SGCD: variants seen among roughly 807,000 people sequenced by gnomAD.
The protein encoded by SGCD is sarcoglycan delta, also known as delta-sarcoglycan.
SGCD carries 18 observed loss-of-function variants against 36.6 expected under a neutral mutation model. The ratio of observed to expected loss-of-function variants is 0.49; its 90% CI spans 0.34 to 0.73. The LOEUF (loss-of-function observed/expected upper bound fraction) is 0.73. Among genes scored for constraint, SGCD ranks in the 30% least tolerant of loss-of-function variants. The pLI is 0.01. For synonymous variants in SGCD, 133 were observed against 130.6 expected (o/e 1.02, Z -0.12); for missense variants, 387 against 346.7 (o/e 1.12, Z -0.92).
chr5:155,805,297 A>AT, the SGCD span, among the ~76,000 whole-genome samples: 129 of 152,286 alleles, frequency 8.5e-4, no homozygotes, highest in African/African-American at 3.0e-3. Context: ...TCTCAAGCAA[A>AT]TGTGATAGGT....
chr5:156,117,144 C>T (rs1244007857), intron 1 of SGCD, among the ~76,000 whole-genome samples: 1 of 152,090 alleles, frequency 6.6e-6, no homozygotes, highest in East Asian at 1.9e-4. Context: ...CTCTGTAGTA[C>T]ATACTTGCTC....
chr5:155,768,776 C>T, the SGCD span, among the ~76,000 whole-genome samples: 1 of 152,128 alleles, frequency 6.6e-6, no homozygotes, highest in Non-Finnish European at 1.5e-5. Flanking sequence ...AAAAATTCCT[C>T]TTGTTTTACA....
intron 3 of SGCD, among the ~76,000 whole-genome samples, chr5:156,438,569 T>G (rs2127793762): frequency 6.6e-6 from 1 of 152,312 alleles, no homozygotes; most frequent in Non-Finnish European, 1.5e-5. Context: ...GGACACTTTC[T>G]TTTAGCTCCT....
At chr5:156,383,505 T>C (rs956314555) in intron 3 of SGCD, among the ~76,000 whole-genome samples, 2 of 151,506 alleles carry the variant, frequency 1.3e-5, no homozygotes, top group South Asian at 2.1e-4. Context: ...CTCCATCTCT[T>C]AAAAAAGAAA....
At chr5:156,574,911 A>G (rs1261578997) in intron 4 of SGCD, among the ~76,000 whole-genome samples, 1 of 152,168 alleles carries the variant, frequency 6.6e-6, no homozygotes, top group Non-Finnish European at 1.5e-5. Context: ...ATCCAAAGCA[A>G]CAGGGCCTCA....
intron 3 of SGCD, among the ~76,000 whole-genome samples, chr5:156,503,601 T>C (rs963612211): frequency 6.6e-6 from 1 of 152,182 alleles, no homozygotes; most frequent in Non-Finnish European, 1.5e-5. Context: ...TGACTACGAA[T>C]GTAAAGTCTG....
intron 6 of SGCD, among the ~76,000 whole-genome samples, chr5:156,624,034 G>C (rs1050740969): frequency 6.6e-6 from 1 of 152,170 alleles, no homozygotes; most frequent in Non-Finnish European, 1.5e-5. Flanking sequence ...CCTTGGTCTT[G>C]TACGGTGCAA....
chr5:156,327,178 C>CG lies in SGCD; in HGVS notation c.-97dup, dbSNP rs1304097290. Reference sequence around the variant, plus strand: ...CCACCTCCTTCAGAGCTGCTCAGCACGCCCTGGGATCGCGGGCGGTTTTCA... The same window carrying CG: ...CCACCTCCTTCAGAGCTGCTCAGCACGGCCCTGGGATCGCGGGCGGTTTTCA... On this transcript the variant is annotated 5_prime_UTR_variant, in exon 1 of 9. Transcript: ENST00000337851. 2 of 152,454 alleles carry CG rather than the reference C, an allele frequency of 1.3e-5. No homozygotes were observed. Among genetic ancestry groups the CG allele is most frequent in the Admixed American group, 1.3e-4 (2 of 15,300 alleles). The allele number at this position is 152,454 out of a possible 1,614,324, so 9.4% of individuals were successfully genotyped here. A position where few individuals can be genotyped will look rare whatever the true frequency, so the allele number is the denominator to read the frequency against.
chr5:156,656,966 T>C (rs961729061), intron 7 of SGCD, among the ~76,000 whole-genome samples: 3 of 152,182 alleles, frequency 2.0e-5, no homozygotes, highest in Non-Finnish European at 4.4e-5. Context: ...TGTGTGAGAT[T>C]TAAAGTCTGT....
chr5:155,860,223 C>A, the SGCD span, among the ~76,000 whole-genome samples: 5 of 152,206 alleles, frequency 3.3e-5, no homozygotes, highest in African/African-American at 1.2e-4. Context: ...CTCAGAACAT[C>A]ACACAAGATA....
intron 3 of SGCD, among the ~76,000 whole-genome samples, chr5:156,185,381 A>AT (rs749696671): frequency 9.2e-5 from 14 of 151,544 alleles, no homozygotes; most frequent in Non-Finnish European, 1.9e-4. Flanking sequence ...TGCCCGGCAA[A>AT]TTTTTTGTAT....
chr5:155,889,276 T>A (rs772306856), intron 1 of SGCD, among the ~76,000 whole-genome samples: 1 of 151,338 alleles, frequency 6.6e-6, no homozygotes, highest in Non-Finnish European at 1.5e-5. Context: ...TTAAAAAAAA[T>A]TCAAAAAAAT....
At chr5:156,503,242 G>C (rs950637371) in intron 3 of SGCD, among the ~76,000 whole-genome samples, 1 of 152,064 alleles carries the variant, frequency 6.6e-6, no homozygotes, top group Admixed American at 6.5e-5. Flanking sequence ...ATGGGATTTA[G>C]AGGGGCCTTC....
upstream of SGCD, among the ~76,000 whole-genome samples, chr5:156,323,395 A>C (rs1767723309): frequency 6.6e-6 from 1 of 152,210 alleles, no homozygotes. Context: ...GATGGAGAGA[A>C]ATGGTCGAGT....
chr5:155,728,015 C>T, the SGCD span, among the ~76,000 whole-genome samples: 1 of 152,132 alleles, frequency 6.6e-6, no homozygotes, highest in Non-Finnish European at 1.5e-5. Context: ...CCCACCCCGC[C>T]CGCGTTTCGC....
intron 3 of SGCD, among the ~76,000 whole-genome samples, chr5:156,358,989 C>A (rs1175070738): frequency 6.6e-6 from 1 of 151,840 alleles, no homozygotes; most frequent in Non-Finnish European, 1.5e-5. Context: ...TTATGTAACA[C>A]TTGTGGGATT....
At chr5:156,556,310 C>T (rs1419211878) in intron 4 of SGCD, among the ~76,000 whole-genome samples, 1 of 152,046 alleles carries the variant, frequency 6.6e-6, no homozygotes, top group African/African-American at 2.4e-5. Context: ...ATTTTTGTCA[C>T]CCTGTGTCTT....
chr5:156,529,785 TAA>T (rs1164223798), intron 4 of SGCD, among the ~76,000 whole-genome samples: 5 of 152,250 alleles, frequency 3.3e-5, no homozygotes, highest in African/African-American at 7.2e-5. Flanking sequence ...TATCAGCAGC[TAA>T]GTGTAACCTT....
chr5:156,029,412 A>G (rs1759294397), intron 1 of SGCD, among the ~76,000 whole-genome samples: 1 of 152,188 alleles, frequency 6.6e-6, no homozygotes, highest in African/African-American at 2.4e-5. Context: ...TCATCCATCC[A>G]TTCATTCATT....
Sources: allele counts gnomAD v4.1 joint callset (sites outside exome capture counted in the v4.1 genomes callset), GRCh38; gene constraint gnomAD v4.1.1; transcripts MANE v1.5; gene names NCBI Gene and HGNC (gene_info 2026-07-23, HGNC 2026-07-21).